BCORL1: variants seen among roughly 807,000 people sequenced by gnomAD.
BCORL1 encodes the protein BCL-6 corepressor-like protein 1.
A neutral mutation model predicts 87.6 loss-of-function variants in BCORL1; 7 were observed. The ratio of observed to expected loss-of-function variants is 0.08; its 90% CI spans 0.05 to 0.15. The LOEUF is 0.15. Among genes scored for constraint, BCORL1 ranks in the 10% least tolerant of loss-of-function variants. The pLI, the probability that BCORL1 is intolerant of heterozygous loss-of-function variation, is 1.00. For synonymous variants in BCORL1, 591 were observed against 634.4 expected (o/e 0.93, Z 1.03); for missense variants, 1,215 against 1,499.7 (o/e 0.81, Z 3.13).
chrX:129,999,197 G>A (rs1284379702), intron 1 of BCORL1, among the ~76,000 whole-genome samples: 1 of 104,728 alleles, frequency 9.5e-6, no homozygotes, highest in African/African-American at 3.5e-5. Context: ...TCTAAATAGA[G>A]CAATACGAAA....
At chrX:130,043,784 A>ATATTTT (rs1556131020) in intron 11 of BCORL1, among the ~76,000 whole-genome samples, 2 of 15,971 alleles carry the variant, frequency 1.3e-4, no homozygotes, top group Non-Finnish European at 1.7e-4. Context: ...ATATATATAT[A>ATATTTT]TTTTTTTTTT....
At chrX:130,000,942 G>A (rs1006361273) in intron 1 of BCORL1, among the ~76,000 whole-genome samples, 1 of 109,444 alleles carries the variant, frequency 9.1e-6, no homozygotes, top group Non-Finnish European at 1.9e-5. Flanking sequence ...GGGGGTGGCT[G>A]TTGATTTTGC....
At chrX:130,016,811 G>T (rs1001093779) in intron 4 of BCORL1, among the ~76,000 whole-genome samples, 8 of 111,419 alleles carry the variant, frequency 7.2e-5, no homozygotes, top group Admixed American at 2.9e-4. Flanking sequence ...AAGGCAGGTT[G>T]GGTGTCTGGG....
chrX:129,992,705 C>T lies in BCORL1; in HGVS notation c.-45+9943C>T, dbSNP rs189468889. ...AAACCATATATATATATTTAGAGAC[C>T]GGGTTATGAGACTGGCTAATTTTTG... On this transcript the variant is annotated intron_variant, in intron 1 of 13. Coordinates refer to ENST00000540052, the MANE Select transcript of BCORL1 (RefSeq NM_001379451.1). Among the ~76,000 whole-genome samples, 4 of 110,398 alleles carry T rather than the reference C, an allele frequency of 3.6e-5. No individual in the cohort carries two copies. The Admixed American group carries it at 3.9e-4, about 11-fold the overall frequency.
intron 1 of BCORL1, among the ~76,000 whole-genome samples, chrX:129,984,903 T>C (rs1025318964): frequency 1.8e-5 from 2 of 111,482 alleles, no homozygotes; most frequent in African/African-American, 6.5e-5. Context: ...ATTCTTGGTG[T>C]CTCCTGGAGT....
In BCORL1 at chrX:130,013,996, T is replaced by C; in HGVS notation, c.1224T>C (p.Ser408=). The change falls in exon 4 of 14, where the codon TCT becomes TCC. Residue 408 remains serine, a synonymous_variant. Coordinates refer to ENST00000540052, the MANE Select transcript of BCORL1 (RefSeq NM_001379451.1). Reference sequence around the variant, plus strand: ...CCACGCCAGCTGCCATTCCCACCTCTGCACCCATCCCGGCCTCCTTCAGTT... The same window carrying C: ...CCACGCCAGCTGCCATTCCCACCTCCGCACCCATCCCGGCCTCCTTCAGTT... The part of the protein sequence containing the change: ...PAATPAAIPT[S]APIPASFSLS... The C allele has an allele frequency of 8.3e-7, 1 of 1,209,438 alleles. No homozygotes were observed. The highest frequency in any genetic ancestry group is 1.1e-6 in the Non-Finnish European group (1 of 894,603).
At chrX:130,021,644 A>G (rs1486253846) in intron 5 of BCORL1, among the ~76,000 whole-genome samples, 2 of 111,731 alleles carry the variant, frequency 1.8e-5, no homozygotes, top group Non-Finnish European at 3.8e-5. Flanking sequence ...CGGGGCTGGT[A>G]TGTGTCCCTA....
chrX:130,052,771 G>A lies in BCORL1; in HGVS notation c.5075+755G>A, dbSNP rs1281648372. Among the ~76,000 whole-genome samples the A allele has an allele frequency of 2.7e-5, 3 of 112,438 alleles. No homozygotes were observed. In the East Asian group the frequency reaches 8.4e-4, roughly 31 times the overall value. ...TTTTCCCTCTGATTGGTGTCTTCAT[G>A]TATTTCAAATACTTTTCCGAACAAT... On this transcript the variant is annotated intron_variant, in intron 13 of 13. Transcript: ENST00000540052.
At chrX:130,043,610 C>T (rs992819048) in intron 11 of BCORL1, among the ~76,000 whole-genome samples, 6 of 104,488 alleles carry the variant, frequency 5.7e-5, no homozygotes, top group Non-Finnish European at 1.2e-4. Context: ...GAGTCTCGCT[C>T]TGTCGCCAGG....
At chrX:130,000,733 TC>T (rs769788075) in intron 1 of BCORL1, among the ~76,000 whole-genome samples, 33 of 112,446 alleles carry the variant, frequency 2.9e-4, no homozygotes, top group East Asian at 1.4e-3. Flanking sequence ...AAGACAGACT[TC>T]GCATATACAT....
intron 11 of BCORL1, among the ~76,000 whole-genome samples, chrX:130,040,710 G>C (rs753238821): frequency 8.9e-6 from 1 of 112,459 alleles, no homozygotes; most frequent in African/African-American, 3.2e-5. Context: ...ACCATCCCTA[G>C]GGGTGCAGGG....
intron 8 of BCORL1, among the ~76,000 whole-genome samples, 172 bp from the exon 9 acceptor site, chrX:130,034,283 C>T (rs1764001446): frequency 8.9e-6 from 1 of 112,113 alleles, no homozygotes; most frequent in Admixed American, 9.5e-5. Context: ...CCTGGCCCAG[C>T]GTCTGGCCTC....
chrX:130,013,932 C>G lies in BCORL1; in HGVS notation c.1160C>G (p.Ala387Gly), dbSNP rs1348594293. ...ACACCGGTGCCTGCACCCACCCCAG[C>G]CCCCATCTTTACTCCAGCCCCTACA... ...APTPVPAPTP[A>G]PIFTPAPTPM... Residue 387 changes from alanine to glycine, a missense_variant, in exon 4 of 14, where the codon GCC becomes GGC. By Grantham distance (60) the Ala-to-Gly change is moderately conservative. Coordinates refer to ENST00000540052, the MANE Select transcript of BCORL1 (RefSeq NM_001379451.1). 5.1e-6 allele frequency: 6 copies of G among 1,177,652 alleles called. No homozygotes were observed. The highest frequency in any genetic ancestry group is 5.7e-6 in the Non-Finnish European group (5 of 878,758).
rs1929145977 is a variant in BCORL1 at position 130,013,469 on chromosome X, C to G, written c.697C>G (p.His233Asp). ...CCTCTCCGTCCCTGCCCCAGTCCCCCATTCAGGGCTTGTTCCAGTCCAAGT... is the reference window on the plus strand; with the variant it reads ...CCTCTCCGTCCCTGCCCCAGTCCCCGATTCAGGGCTTGTTCCAGTCCAAGT... ...VPLSVPAPVP[H>D]SGLVPVQVAT... Residue 233 changes from histidine to aspartate, a missense_variant, in exon 4 of 14, where the codon CAT (histidine) becomes GAT (aspartate). By Grantham distance (81) the His-to-Asp change is moderately conservative. Coordinates refer to ENST00000540052, the MANE Select transcript of BCORL1 (RefSeq NM_001379451.1). 8.3e-7 allele frequency: 1 copy of G among 1,208,713 alleles called. No homozygotes were observed. Among genetic ancestry groups the G allele is most frequent in the Non-Finnish European group, 1.1e-6 (1 of 894,874 alleles).
chrX:129,997,794 C>CAAAAAAAAAAA (rs1229437098), intron 1 of BCORL1, among the ~76,000 whole-genome samples: 1 of 28,971 alleles, frequency 3.5e-5, no homozygotes, highest in Non-Finnish European at 6.5e-5. Context: ...TCCGACTCAC[C>CAAAAAAAAAAA]AAAAAAAAAA....
At chrX:130,034,741 C>G in intron 9 of BCORL1, 65 bp downstream of exon 9, 1 of 816,491 alleles carries the variant, frequency 1.2e-6, no homozygotes, top group South Asian at 2.2e-5. Flanking sequence ...AAGCTTTTCT[C>G]CATGGGCTCT....
chrX:130,024,811 C>A (rs937871473), intron 6 of BCORL1, among the ~76,000 whole-genome samples, 179 bp from the exon 7 acceptor site: 1 of 111,497 alleles, frequency 9.0e-6, no homozygotes, highest in African/African-American at 3.3e-5. Flanking sequence ...GAACAGTATC[C>A]CCATTTTATA....
At chrX:130,034,849 A>G (rs1000515075) in intron 9 of BCORL1, among the ~76,000 whole-genome samples, 173 bp downstream of exon 9, 1 of 111,787 alleles carries the variant, frequency 8.9e-6, no homozygotes, top group East Asian at 2.8e-4. Flanking sequence ...TGAGAATGCA[A>G]ACTTGCTTGA....
In BCORL1 at chrX:130,005,248, C is replaced by T. The variant is rs758746997; in HGVS notation, c.17C>T (p.Pro6Leu). 4.1e-5 allele frequency: 50 copies of T among 1,209,849 alleles called. No homozygotes were observed. The highest frequency in any genetic ancestry group is 1.8e-5 in the South Asian group (1 of 56,791). The change falls in exon 2 of 14, where the codon CCG becomes CTG. Residue 6 changes from proline to leucine, a missense_variant. Pro to Leu is a moderately conservative substitution (Grantham distance 98). Transcript: ENST00000540052. The stretch of plus-strand genomic sequence containing the variant: ...GTGGCTGTCATGATCTCTACAGCAC[C>T]GCTCTACAGCGGCGTGCACAACTGG... MISTA[P>L]LYSGVHNWTS...
Sources: gnomAD v4.1 joint callset for allele counts (sites outside exome capture counted in the v4.1 genomes callset) on GRCh38, gnomAD v4.1.1 for gene constraint, MANE v1.5 for transcripts, NCBI Gene and HGNC (gene_info 2026-07-23, HGNC 2026-07-21) for gene names.